Variants in CNTNAP5 observed in about 807,000 individuals in gnomAD.
CNTNAP5 encodes the protein contactin associated protein family member 5, also known as contactin-associated protein-like 5.
A neutral mutation model predicts 150.2 loss-of-function variants in CNTNAP5; 72 were observed. The ratio of observed to expected loss-of-function variants is 0.48; its 90% CI spans 0.40 to 0.58. The LOEUF (loss-of-function observed/expected upper bound fraction) is 0.58, where lower values mean the gene tolerates loss of function less well. CNTNAP5 is among the 20% of genes least tolerant of loss of function. The probability of loss-of-function intolerance (pLI) is 0.00; values close to 1 mark genes in which losing one functional copy is unlikely to be tolerated. For missense variants in CNTNAP5, 1,636 were observed against 1,626.2 expected (o/e 1.01, Z -0.10); for synonymous variants, 672 against 619.8 (o/e 1.08, Z -1.25).
At chr2:124,578,165 A>G (rs921565614) in intron 11 of CNTNAP5, among the ~76,000 whole-genome samples, 1 of 147,208 alleles carries the variant, frequency 6.8e-6, no homozygotes, top group Non-Finnish European at 1.5e-5. Context: ...ACAAAAAAAA[A>G]AAAAAAAAAA....
At position 124,858,939 on chromosome 2, in the gene CNTNAP5, T is replaced by A. The variant is rs184512111; in HGVS notation, c.3218-6367T>A. Among the ~76,000 whole-genome samples the A allele has an allele frequency of 1.6e-3, 250 of 152,230 alleles. 1 individual carries two copies. The highest frequency in any genetic ancestry group is 5.8e-3 in the African/African-American group (240 of 41,552). ...GAATTAAAGACATAAATGTTAGACCTAAAACCATGAAAACCCTAGAAGAAA... is the reference window on the plus strand; with the variant it reads ...GAATTAAAGACATAAATGTTAGACCAAAAACCATGAAAACCCTAGAAGAAA... On this transcript the variant is annotated intron_variant, in intron 19 of 23. Transcript: ENST00000682447.
chr2:124,620,488 T>C (rs78233009), intron 12 of CNTNAP5, among the ~76,000 whole-genome samples: 7 of 152,128 alleles, frequency 4.6e-5, no homozygotes, highest in African/African-American at 9.7e-5. Context: ...CCTTCAAACA[T>C]AGAAATGACT....
At chr2:124,549,519 G>A (rs1049848326) in intron 10 of CNTNAP5, among the ~76,000 whole-genome samples, 4 of 152,122 alleles carry the variant, frequency 2.6e-5, no homozygotes, top group Non-Finnish European at 4.4e-5. Context: ...TGATCCAGGG[G>A]GAGGAGTGTC....
chr2:124,519,940 A>C (rs1331130215), intron 8 of CNTNAP5, among the ~76,000 whole-genome samples: 3 of 152,250 alleles, frequency 2.0e-5, no homozygotes, highest in Admixed American at 2.0e-4. Flanking sequence ...AACAAAAGTG[A>C]AAAGGACAAA....
At chr2:124,304,269 G>T (rs1248145177) in intron 3 of CNTNAP5, among the ~76,000 whole-genome samples, 1 of 152,122 alleles carries the variant, frequency 6.6e-6, no homozygotes, top group East Asian at 1.9e-4. Flanking sequence ...TGCAAAGGGA[G>T]AATTTATAAA....
At chr2:124,848,173 T>C (rs989345590) in intron 19 of CNTNAP5, among the ~76,000 whole-genome samples, 4 of 152,126 alleles carry the variant, frequency 2.6e-5, no homozygotes, top group African/African-American at 9.7e-5. Context: ...ACCAACATCC[T>C]CTCGTTTCCC....
chr2:124,403,217 G>A (rs962648846), intron 3 of CNTNAP5, among the ~76,000 whole-genome samples: 2 of 152,106 alleles, frequency 1.3e-5, no homozygotes, highest in Non-Finnish European at 2.9e-5. Context: ...TTAGCAGGTC[G>A]TTGCTTCAGC....
At chr2:124,164,659 C>A (rs76443347) in intron 1 of CNTNAP5, among the ~76,000 whole-genome samples, 8 of 151,996 alleles carry the variant, frequency 5.3e-5, no homozygotes, top group African/African-American at 1.9e-4. Flanking sequence ...ATTGGAAATA[C>A]GGAAGAGAAA....
At chr2:124,547,208 T>C (rs1695532261) in intron 10 of CNTNAP5, among the ~76,000 whole-genome samples, 1 of 151,996 alleles carries the variant, frequency 6.6e-6, no homozygotes, top group Non-Finnish European at 1.5e-5. Context: ...AAACGGTGCA[T>C]TGAATGACAG....
chr2:124,293,988 A>G (rs1688362579), intron 3 of CNTNAP5, among the ~76,000 whole-genome samples: 1 of 152,184 alleles, frequency 6.6e-6, no homozygotes, highest in Admixed American at 6.5e-5. Flanking sequence ...AGGGAAAAGC[A>G]TGGTGTATTT....
At position 124,707,140 on chromosome 2, in the gene CNTNAP5, G is replaced by GGAAGAAGAAGAAGAAGAAGAAGAAGAA. The variant is rs76714465; in HGVS notation, c.2078-40049_2078-40023dup. 4.5e-4 allele frequency among the ~76,000 whole-genome samples: 39 copies of GGAAGAAGAAGAAGAAGAAGAAGAAGAA among 86,470 alleles called. 1 individual carries two copies. Among genetic ancestry groups the GGAAGAAGAAGAAGAAGAAGAAGAAGAA allele is most frequent in the African/African-American group, 1.2e-3 (26 of 21,776 alleles). 56.7% of individuals were successfully genotyped at this position (86,470 alleles called of 152,430 possible). On this transcript the variant is annotated intron_variant, in intron 13 of 23. Transcript: ENST00000682447. ...AGAAGAAGAAAGAAGAAGAAGAAGA[G>GGAAGAAGAAGAAGAAGAAGAAGAAGAA]GAAGAAGAAGAAGAAGAAGAAGAAG...
intron 13 of CNTNAP5, among the ~76,000 whole-genome samples, chr2:124,673,907 T>C (rs1678873672): frequency 6.6e-6 from 1 of 152,142 alleles, no homozygotes; most frequent in African/African-American, 2.4e-5. Context: ...ATGTATAATT[T>C]ACTGTTTTTA....
At chr2:124,320,235 A>G (rs1305688245) in intron 3 of CNTNAP5, among the ~76,000 whole-genome samples, 1 of 152,196 alleles carries the variant, frequency 6.6e-6, no homozygotes, top group Non-Finnish European at 1.5e-5. Flanking sequence ...ATTTAATGGA[A>G]ACAGATGTTG....
At chr2:124,269,759 T>C (rs1558827974) in intron 3 of CNTNAP5, among the ~76,000 whole-genome samples, 1 of 152,072 alleles carries the variant, frequency 6.6e-6, no homozygotes, top group Non-Finnish European at 1.5e-5. Context: ...CTACAGCATG[T>C]GATGGAGCAA....
At chr2:124,605,879 C>G (rs1573492179) in intron 11 of CNTNAP5, among the ~76,000 whole-genome samples, 1 of 138,038 alleles carries the variant, frequency 7.2e-6, no homozygotes, top group Non-Finnish European at 1.6e-5. Flanking sequence ...TTATATTTAA[C>G]TTTTAAAAAT....
At chr2:124,878,872 G>T (rs545670209) in intron 21 of CNTNAP5, among the ~76,000 whole-genome samples, 1 of 151,664 alleles carries the variant, frequency 6.6e-6, no homozygotes, top group African/African-American at 2.4e-5. Context: ...TAGTAGAGAT[G>T]GGGTTTCACC....
intron 2 of CNTNAP5, among the ~76,000 whole-genome samples, chr2:124,228,575 C>T (rs374940615): frequency 3.3e-5 from 5 of 152,076 alleles, no homozygotes; most frequent in African/African-American, 1.2e-4. Context: ...CAGGAACTAG[C>T]CAAACCAAAT....
Position 124,915,639 on chromosome 2 carries a change from A to G in CNTNAP5, c.*1351A>G, listed in dbSNP as rs938736862. Reference sequence around the variant, plus strand: ...TATATACATAAAGACCCTTCCAAACATCTTTTTATAGGCTTAAACTCCCAA... The same window carrying G: ...TATATACATAAAGACCCTTCCAAACGTCTTTTTATAGGCTTAAACTCCCAA... On this transcript the variant is annotated 3_prime_UTR_variant, in exon 24 of 24. Coordinates refer to ENST00000682447, the MANE Select transcript of CNTNAP5 (RefSeq NM_001367498.1). Among the ~76,000 whole-genome samples, 1 of 152,116 alleles carries G rather than the reference A, an allele frequency of 6.6e-6. No individual in the cohort carries two copies. The highest frequency in any genetic ancestry group is 2.1e-4 in the South Asian group (1 of 4,824).
chr2:124,083,307 G>A (rs527872821), intron 1 of CNTNAP5, among the ~76,000 whole-genome samples: 1 of 152,304 alleles, frequency 6.6e-6, no homozygotes, highest in African/African-American at 2.4e-5. Flanking sequence ...AGCTGAGACT[G>A]TGCCACTGCA....
Sources: allele counts gnomAD v4.1 joint callset (sites outside exome capture counted in the v4.1 genomes callset), GRCh38; gene constraint gnomAD v4.1.1; transcripts MANE v1.5; gene names NCBI Gene and HGNC (gene_info 2026-07-23, HGNC 2026-07-21).